SHANK2: variants seen among roughly 807,000 people sequenced by gnomAD.
SHANK2 encodes the protein SH3 and multiple ankyrin repeat domains protein 2.
In SHANK2, 43 loss-of-function variants were observed where a neutral mutation model predicts 133.7. The ratio of observed to expected loss-of-function variants is 0.32; its 90% CI spans 0.25 to 0.41. SHANK2 has a LOEUF of 0.41. Among genes scored for constraint, SHANK2 ranks in the 10% least tolerant of loss-of-function variants. SHANK2 has a pLI of 1.00. For synonymous variants in SHANK2, 1,017 were observed against 952.8 expected, an observed-to-expected ratio of 1.07 and a Z score of -1.24; for missense variants, 1,994 against 2,235.8, an observed-to-expected ratio of 0.89 and a Z score of 2.18.
chr11:70,931,840 G>A (rs1565412983), intron 10 of SHANK2, among the ~76,000 whole-genome samples: 1 of 152,164 alleles, frequency 6.6e-6, no homozygotes, highest in East Asian at 1.9e-4. Flanking sequence ...TCTCAACGAC[G>A]CTTATTATTT....
At chr11:71,085,721 T>TATATA (rs1340792624) in intron 8 of SHANK2, among the ~76,000 whole-genome samples, 4 of 65,618 alleles carry the variant, frequency 6.1e-5, no homozygotes, top group Admixed American at 2.8e-4. Flanking sequence ...TATATTATAT[T>TATATA]ATATAAAATA....
intron 17 of SHANK2, among the ~76,000 whole-genome samples, chr11:70,637,695 T>G (rs1555004867): frequency 6.6e-6 from 1 of 152,218 alleles, no homozygotes. Flanking sequence ...GGAGACTGGC[T>G]GCTCCAGACC....
chr11:70,773,515 T>C (rs916927509), intron 14 of SHANK2, among the ~76,000 whole-genome samples: 1 of 152,362 alleles, frequency 6.6e-6, no homozygotes, highest in Non-Finnish European at 1.5e-5. Context: ...TTGCTGAATA[T>C]ACATTTATGC....
intron 11 of SHANK2, among the ~76,000 whole-genome samples, chr11:70,881,124 A>C (rs1301044313): frequency 6.6e-6 from 1 of 152,164 alleles, no homozygotes; most frequent in African/African-American, 2.4e-5. Flanking sequence ...TGCAGCCTTG[A>C]ACTACCAGGC....
chr11:70,783,266 T>C (rs1010847302), intron 14 of SHANK2, among the ~76,000 whole-genome samples: 14 of 151,984 alleles, frequency 9.2e-5, no homozygotes, highest in African/African-American at 3.4e-4. Flanking sequence ...GGTTGCAGAA[T>C]TCAGAAAAGC....
At chr11:70,525,365 G>A (rs2059382425) in intron 17 of SHANK2, among the ~76,000 whole-genome samples, 1 of 152,208 alleles carries the variant, frequency 6.6e-6, no homozygotes, top group African/African-American at 2.4e-5. Context: ...GTGGGTGGCA[G>A]CCCCTCTCCA....
At chr11:71,083,285 GATGATGACA>G (rs1215559756) in intron 8 of SHANK2, among the ~76,000 whole-genome samples, 97 of 152,248 alleles carry the variant, frequency 6.4e-4, no homozygotes, top group African/African-American at 2.0e-3. Context: ...GTGGCCACAT[GATGATGACA>G]ATGATGACAA....
At chr11:70,606,830 G>A (rs984776687) in intron 17 of SHANK2, among the ~76,000 whole-genome samples, 2 of 152,242 alleles carry the variant, frequency 1.3e-5, no homozygotes, top group African/African-American at 4.8e-5. Flanking sequence ...AGATACGGAA[G>A]GGAGGTGCGC....
intron 10 of SHANK2, among the ~76,000 whole-genome samples, chr11:70,914,181 G>A (rs1950235480): frequency 6.6e-6 from 1 of 152,126 alleles, no homozygotes; most frequent in Non-Finnish European, 1.5e-5. Context: ...CTGCTCAGCT[G>A]CATTGGACAG....
chr11:70,523,858 A>C (rs1175873278), intron 17 of SHANK2, among the ~76,000 whole-genome samples: 3 of 152,132 alleles, frequency 2.0e-5, no homozygotes, highest in Admixed American at 6.5e-5. Flanking sequence ...TTCCTCTGAC[A>C]GCACCCTTCA....
chr11:70,952,483 G>T (rs1260152316), intron 10 of SHANK2, among the ~76,000 whole-genome samples: 2 of 152,178 alleles, frequency 1.3e-5, no homozygotes, highest in African/African-American at 4.8e-5. Context: ...TAGCTACTTG[G>T]CTGTCTTGTT....
At position 71,147,574 on chromosome 11, in the gene SHANK2, G is replaced by A. The variant is rs146840736; in HGVS notation, c.-12-236C>T. Among the ~76,000 whole-genome samples the A allele has an allele frequency of 1.1e-3, 168 of 152,302 alleles. 2 individuals carry two copies. In the East Asian group the frequency reaches 0.026, roughly 24 times the overall value. ...AGCTTGAGCCAGAGGCGGCAGCCAG[G>A]ACCCAGGAAAACCCTGCAAACTCTG... On this transcript the variant is annotated intron_variant, in intron 2 of 25. Coordinates refer to ENST00000601538, the MANE Select transcript of SHANK2 (RefSeq NM_012309.5).
At chr11:71,070,526 T>G in intron 9 of SHANK2, among the ~76,000 whole-genome samples, 1 of 151,774 alleles carries the variant, frequency 6.6e-6, no homozygotes, top group East Asian at 1.9e-4. Context: ...CTCTCCATAC[T>G]ACCTCCAGAG....
At chr11:71,090,569 C>T (rs1555093748) in intron 8 of SHANK2, among the ~76,000 whole-genome samples, 3 of 35,648 alleles carry the variant, frequency 8.4e-5, no homozygotes, top group African/African-American at 1.6e-4. Flanking sequence ...TGTGTGTGTC[C>T]TGCTGCTTCT....
rs1271892560 is a variant in SHANK2, at chr11:71,188,477, G to A, written c.-13+36220C>T. Among the ~76,000 whole-genome samples the A allele has an allele frequency of 6.6e-6, 1 of 152,158 alleles. No individual in the cohort carries two copies. The highest frequency in any genetic ancestry group is 2.4e-5 in the African/African-American group (1 of 41,426). ...CTGGGGAGAAGGACTTCGGCGCAAG[G>A]GAACAGGAAAACACTGCAAATATTT... On this transcript the variant is annotated intron_variant, in intron 2 of 25. Transcript: ENST00000601538. The surrounding 1 kb of genome is among the most constrained non-coding windows in gnomAD (Gnocchi z 4.6).
intron 3 of SHANK2, 122 bp from the exon 4 acceptor site, chr11:71,119,154 G>T (rs1209391317): frequency 4.2e-5 from 31 of 738,634 alleles, no homozygotes; most frequent in Non-Finnish European, 6.9e-5. Flanking sequence ...CCTCTGAGCA[G>T]TGAACCCACG....
At chr11:70,613,998 C>T (rs1345842762) in intron 17 of SHANK2, among the ~76,000 whole-genome samples, 2 of 152,156 alleles carry the variant, frequency 1.3e-5, no homozygotes, top group Non-Finnish European at 2.9e-5. Context: ...CTCCTGACCT[C>T]AAATTATCTG....
intron 8 of SHANK2, among the ~76,000 whole-genome samples, chr11:71,081,168 A>G (rs1209537067): frequency 6.6e-6 from 1 of 152,200 alleles, no homozygotes; most frequent in Non-Finnish European, 1.5e-5. Flanking sequence ...CCCTGTGAAG[A>G]TGCAGAGAAA....
intron 10 of SHANK2, among the ~76,000 whole-genome samples, chr11:70,948,152 C>T (rs1950778032): frequency 6.6e-6 from 1 of 152,230 alleles, no homozygotes; most frequent in African/African-American, 2.4e-5. Flanking sequence ...CCAAATGTCA[C>T]AGAAGCCGCC....
Sources: allele counts gnomAD v4.1 joint callset (sites outside exome capture counted in the v4.1 genomes callset), GRCh38; gene constraint gnomAD v4.1.1; non-coding constraint Gnocchi (gnomAD v3.1); transcripts MANE v1.5; gene names NCBI Gene and HGNC (gene_info 2026-07-23, HGNC 2026-07-21).